The following PNKD variants were observed in gnomAD, a reference collection of about 807,000 sequenced individuals.
PNKD encodes probable thioesterase PNKD.
In PNKD, 36 loss-of-function variants were observed where a neutral mutation model predicts 45.3. The ratio of observed to expected loss-of-function variants is 0.80; its 90% CI spans 0.61 to 1.05. PNKD has a LOEUF of 1.05. Among genes scored for constraint, PNKD ranks in the 50% least tolerant of loss-of-function variants. The probability of loss-of-function intolerance (pLI) is 0.00; values close to 1 mark genes in which losing one functional copy is unlikely to be tolerated. For missense variants in PNKD, 511 were observed against 506.6 expected, an observed-to-expected ratio of 1.01 and a Z score of -0.08; for synonymous variants, 197 against 210.1, an observed-to-expected ratio of 0.94 and a Z score of 0.54.
chr2:218,277,070 G>C, intron 2 of PNKD: 1 of 1,614,202 alleles, frequency 6.2e-7, no homozygotes, highest in Non-Finnish European at 8.5e-7. Context: ...CCAGGACACA[G>C]AAGAGGCCTG....
chr2:218,299,180 G>C (rs542729772), intron 2 of PNKD, among the ~76,000 whole-genome samples: 2 of 151,960 alleles, frequency 1.3e-5, no homozygotes, highest in South Asian at 4.2e-4. Flanking sequence ...ACCCAGCCTA[G>C]AGTGCAATGG....
chr2:218,337,390 G>A (rs1177464365), intron 2 of PNKD, among the ~76,000 whole-genome samples: 1 of 152,086 alleles, frequency 6.6e-6, no homozygotes, highest in African/African-American at 2.4e-5. Flanking sequence ...CTTAATACGT[G>A]CACATTCTGC....
chr2:218,271,359 C>G, intron 1 of PNKD, 22 bp from the exon 2 acceptor site: 1 of 1,612,090 alleles, frequency 6.2e-7, no homozygotes, highest in Non-Finnish European at 8.5e-7. Flanking sequence ...TTCTTACTGA[C>G]CTTCCTTACC....
In PNKD at chr2:218,314,477, C is replaced by T. The variant is rs369080318; in HGVS notation, c.237-25306C>T. Among the ~76,000 whole-genome samples the T allele has an allele frequency of 4.6e-5, 7 of 152,136 alleles. No homozygotes were observed. In the East Asian group the frequency reaches 1.4e-3, roughly 29 times the overall value. On this transcript the variant is annotated intron_variant, in intron 2 of 9. Coordinates refer to ENST00000273077, the MANE Select transcript of PNKD (RefSeq NM_015488.5). ...GGCTCAAGCGATCCTCCCACCTTGG[C>T]CTCCCAAAGTGCTGGGATTACTTGT... is the stretch of plus-strand genomic sequence containing the variant.
intron 2 of PNKD, chr2:218,272,618 G>T (rs201303528): frequency 6.2e-7 from 1 of 1,614,060 alleles, no homozygotes; most frequent in Non-Finnish European, 8.5e-7. Flanking sequence ...TCACCAAGCG[G>T]GAAGTGGACA....
At chr2:218,315,320 T>C (rs1693780263) in intron 2 of PNKD, among the ~76,000 whole-genome samples, 1 of 151,886 alleles carries the variant, frequency 6.6e-6, no homozygotes, top group Admixed American at 6.6e-5. Context: ...TTTTGTATTT[T>C]TAGTAGAGAC....
At chr2:218,307,682 C>T (rs962323151) in intron 2 of PNKD, among the ~76,000 whole-genome samples, 1 of 152,052 alleles carries the variant, frequency 6.6e-6, no homozygotes, top group African/African-American at 2.4e-5. Context: ...GGTTGGGGAC[C>T]CCTACCGTGG....
chr2:218,306,139 G>A (rs749067498), intron 2 of PNKD, among the ~76,000 whole-genome samples: 6 of 152,236 alleles, frequency 3.9e-5, no homozygotes, highest in Non-Finnish European at 8.8e-5. Context: ...CGGGACACAT[G>A]TGGAGGGGAG....
chr2:218,305,548 C>T (rs1022897636), intron 2 of PNKD, among the ~76,000 whole-genome samples: 1 of 151,598 alleles, frequency 6.6e-6, no homozygotes, highest in African/African-American at 2.4e-5. Flanking sequence ...GGTGGGGTCT[C>T]ACTGTGTTGC....
intron 2 of PNKD, among the ~76,000 whole-genome samples, chr2:218,339,385 C>G (rs532874141): frequency 6.6e-5 from 10 of 151,982 alleles, no homozygotes; most frequent in Non-Finnish European, 1.3e-4. Flanking sequence ...GCCACCACAC[C>G]CGACTAAGTT....
chr2:218,336,838 C>G (rs1237599063), intron 2 of PNKD, among the ~76,000 whole-genome samples: 1 of 143,992 alleles, frequency 6.9e-6, no homozygotes, highest in African/African-American at 2.7e-5. Flanking sequence ...CTCTTGTTGC[C>G]CAGGCTGGAG....
chr2:218,329,686 C>G (rs1694263730), intron 2 of PNKD, among the ~76,000 whole-genome samples: 1 of 152,256 alleles, frequency 6.6e-6, no homozygotes, highest in Non-Finnish European at 1.5e-5. Context: ...CCCTGTCCCT[C>G]TCCTGTGCAT....
At position 218,283,185 on chromosome 2, in the gene PNKD, G is replaced by A. The variant is rs575457422; in HGVS notation, c.236+11636G>A. Among the ~76,000 whole-genome samples, 3 of 152,320 alleles carry A rather than the reference G, an allele frequency of 2.0e-5. No individual in the cohort carries two copies. The East Asian group carries it at 5.8e-4, about 29-fold the overall frequency. ...CAGGGGAGGGCCAAGAAACCAGGGG[G>A]AGGGAACCCCAAACTGGAGTTGGAA... On this transcript the variant is annotated intron_variant, in intron 2 of 9. Coordinates refer to ENST00000273077, the MANE Select transcript of PNKD (RefSeq NM_015488.5).
At chr2:218,277,338 G>T in intron 2 of PNKD, 1 of 1,603,100 alleles carries the variant, frequency 6.2e-7, no homozygotes, top group South Asian at 1.1e-5. Flanking sequence ...GAGTCGGGGG[G>T]CCAGGGAAGG....
At chr2:218,324,197 G>A (rs1269968337) in intron 2 of PNKD, among the ~76,000 whole-genome samples, 1 of 152,212 alleles carries the variant, frequency 6.6e-6, no homozygotes, top group Admixed American at 6.5e-5. Context: ...CTGAGAGGCA[G>A]GGAAGAAGAC....
chr2:218,280,361 T>G lies in PNKD; in HGVS notation c.236+8812T>G. ...CTCACGTGCATCTGTGGAGGGCTCC[T>G]GTGTGCCCAGCCCACGCCACTGGGG... On this transcript the variant is annotated intron_variant, in intron 2 of 9. Transcript: ENST00000273077. 6.4e-6 allele frequency: 3 copies of G among 469,450 alleles called. No individual in the cohort carries two copies. In the East Asian group the frequency reaches 1.3e-4, roughly 20 times the overall value. The allele number at this position is 469,450 out of a possible 1,614,324, so 29.1% of individuals were successfully genotyped here.
intron 2 of PNKD, chr2:218,334,621 T>A (rs372119440): frequency 5.8e-6 from 4 of 692,090 alleles, no homozygotes; most frequent in East Asian, 5.4e-5. Flanking sequence ...ATCACCGCAC[T>A]CTTGACCTGG....
At chr2:218,303,881 C>T (rs1693339695) in intron 2 of PNKD, among the ~76,000 whole-genome samples, 2 of 151,698 alleles carry the variant, frequency 1.3e-5, no homozygotes, top group African/African-American at 4.8e-5. Context: ...GCCAGACCCG[C>T]ACTTCTTTGG....
At chr2:218,307,451 C>A (rs1693447927) in intron 2 of PNKD, among the ~76,000 whole-genome samples, 1 of 152,148 alleles carries the variant, frequency 6.6e-6, no homozygotes. Context: ...GCATTAGATT[C>A]TCATAAGGAG....
Sources: allele counts gnomAD v4.1 joint callset (sites outside exome capture counted in the v4.1 genomes callset), GRCh38; gene constraint gnomAD v4.1.1; transcripts MANE v1.5; gene names NCBI Gene and HGNC (gene_info 2026-07-23, HGNC 2026-07-21).